Variants in EHD4 observed in about 807,000 individuals in gnomAD.
EHD4 encodes EH domain-containing protein 4.
EHD4 carries 37 observed loss-of-function variants against 51.0 expected under a neutral mutation model. The observed-to-expected ratio is 0.73, with a 90% CI of 0.56 to 0.95. The LOEUF is 0.95. Ranked by LOEUF, EHD4 falls within the 40% of genes least tolerant of loss-of-function variation. EHD4 has a pLI of 0.00. For missense variants in EHD4, 632 were observed against 733.1 expected, an observed-to-expected ratio of 0.86 and a Z score of 1.59; for synonymous variants, 297 against 317.3, an observed-to-expected ratio of 0.94 and a Z score of 0.68.
intron 3 of EHD4, among the ~76,000 whole-genome samples, chr15:41,923,807 G>A (rs1286316619): frequency 2.6e-5 from 4 of 152,194 alleles, no homozygotes; most frequent in Non-Finnish European, 4.4e-5. Flanking sequence ...ATCACAGGTC[G>A]AGGAAACAGA....
intron 3 of EHD4, among the ~76,000 whole-genome samples, chr15:41,922,682 T>C (rs2067634825): frequency 6.6e-6 from 1 of 152,210 alleles, no homozygotes; most frequent in Admixed American, 6.5e-5. Context: ...ACAGTTAATT[T>C]AAGCATCTTT....
intron 3 of EHD4, among the ~76,000 whole-genome samples, chr15:41,923,829 C>T (rs1345850138): frequency 6.6e-6 from 1 of 152,218 alleles, no homozygotes; most frequent in Non-Finnish European, 1.5e-5. Context: ...CTGAAACATG[C>T]TTATCTGAAG....
At position 41,972,343 on chromosome 15, in the gene EHD4, G is replaced by A. The variant is rs2068003616; in HGVS notation, c.152C>T (p.Pro51Leu). 6.2e-7 allele frequency: 1 copy of A among 1,611,414 alleles called. No homozygotes were observed. Among genetic ancestry groups the A allele is most frequent in the South Asian group, 1.1e-5 (1 of 90,750 alleles). Residue 51 changes from proline to leucine, a missense_variant, in exon 1 of 6, where the codon CCT (proline) becomes CTT (leucine). Physicochemically the swap from Pro to Leu is moderately conservative, Grantham distance 98. Transcript: ENST00000220325. Reference sequence around the variant, plus strand: ...CTCGAAGTCGGCGTCCTCCAGCGCAGGCGAGTGGAACTCGTGGAAGCGGTA... The same window carrying A: ...CTCGAAGTCGGCGTCCTCCAGCGCAAGCGAGTGGAACTCGTGGAAGCGGTA... ...EAYRFHEFHS[P>L]ALEDADFENK...
chr15:41,911,831 A>T (rs2067551609), intron 4 of EHD4, among the ~76,000 whole-genome samples: 1 of 151,990 alleles, frequency 6.6e-6, no homozygotes, highest in African/African-American at 2.4e-5. Flanking sequence ...AGGGCTTCCC[A>T]AGAGCCCTCA....
intron 2 of EHD4, among the ~76,000 whole-genome samples, chr15:41,947,095 G>A (rs1473560173): frequency 6.6e-6 from 1 of 152,162 alleles, no homozygotes; most frequent in Non-Finnish European, 1.5e-5. Context: ...ATGCTGAGAA[G>A]TGATGGAGCT....
intron 3 of EHD4, among the ~76,000 whole-genome samples, chr15:41,925,045 G>A (rs1303738166): frequency 7.6e-6 from 1 of 131,506 alleles, no homozygotes; most frequent in African/African-American, 2.8e-5. Context: ...GGGTGACAGC[G>A]AGGGACTGTA....
At chr15:41,963,327 G>A (rs571502874) in intron 1 of EHD4, among the ~76,000 whole-genome samples, 38 of 150,610 alleles carry the variant, frequency 2.5e-4, no homozygotes, top group African/African-American at 9.0e-4. Flanking sequence ...GGCAGGGCAC[G>A]GTGGCTCACG....
chr15:41,934,730 A>C (rs1159399469), intron 3 of EHD4, among the ~76,000 whole-genome samples: 1 of 152,180 alleles, frequency 6.6e-6, no homozygotes, highest in Non-Finnish European at 1.5e-5. Context: ...AGGGGGCAGC[A>C]GGGAAAGGCT....
At chr15:41,969,110 T>C (rs778793573) in intron 1 of EHD4, among the ~76,000 whole-genome samples, 3 of 152,262 alleles carry the variant, frequency 2.0e-5, no homozygotes, top group Non-Finnish European at 4.4e-5. Context: ...GTTTATTTCT[T>C]TTCTTGCCTT....
chr15:41,940,128 T>C (rs1295154856), intron 3 of EHD4, among the ~76,000 whole-genome samples: 1 of 152,192 alleles, frequency 6.6e-6, no homozygotes, highest in African/African-American at 2.4e-5. Context: ...CACTCAGCTT[T>C]TGAGGGTTAA....
chr15:41,900,650 C>T lies in EHD4; in HGVS notation c.1621G>A (p.Asp541Asn), dbSNP rs370652136. Residue 541 changes from aspartate (D) to asparagine (N), a missense_variant, in exon 6 of 6, where the codon GAC becomes AAC. Physicochemically the swap from Asp to Asn is conservative, Grantham distance 23. Transcript: ENST00000220325. The surrounding 1 kb of genome is among the most constrained non-coding windows in gnomAD (Gnocchi z 4.8). ...PSHRKSLPKA[D>N] ...CCCGTTCTGCAGCCCACCCCTCAGT[C>T]GGCCTTGGGCAGGGACTTCCTGTGC... The T allele has an allele frequency of 1.1e-5, 17 of 1,587,202 alleles. No homozygotes were observed. The highest frequency in any genetic ancestry group is 1.7e-4 in the Middle Eastern group (1 of 6,036).
intron 2 of EHD4, among the ~76,000 whole-genome samples, chr15:41,953,015 A>C (rs1045561124): frequency 3.3e-5 from 5 of 151,542 alleles, no homozygotes; most frequent in Admixed American, 6.6e-5. Context: ...AAAAAAAAAA[A>C]AAAAAACGAC....
rs3035677 is a variant in EHD4 at position 41,949,016 on chromosome 15, C to CTATATATATATA, written c.413+4736_413+4747dup. Among the ~76,000 whole-genome samples, 378 of 92,416 alleles carry CTATATATATATA rather than the reference C, an allele frequency of 4.1e-3. 2 individuals carry two copies. The highest frequency in any genetic ancestry group is 6.9e-3 in the East Asian group (20 of 2,890). The allele number at this position is 92,416 out of a possible 152,430, so 60.6% of individuals were successfully genotyped here. On this transcript the variant is annotated intron_variant, in intron 2 of 5. Coordinates refer to ENST00000220325, the MANE Select transcript of EHD4 (RefSeq NM_139265.4). The stretch of plus-strand genomic sequence containing the variant: ...CTCCAGCCTGGGCAACAGAGTGAGA[C>CTATATATATATA]TATATATATATATATATATATATAT...
Position 41,909,708 on chromosome 15 carries a change from C to G in EHD4, c.1080G>C (p.Lys360Asn). The G allele has an allele frequency of 6.2e-7, 1 of 1,614,218 alleles. No homozygotes were observed. Among genetic ancestry groups the G allele is most frequent in the Non-Finnish European group, 8.5e-7 (1 of 1,180,036 alleles). Residue 360 changes from lysine to asparagine, a missense_variant, in exon 5 of 6, where the codon AAG (lysine) becomes AAC (asparagine). Physicochemically the swap from Lys to Asn is moderately conservative, Grantham distance 94 (BLOSUM62 0). Transcript: ENST00000220325. The part of the protein sequence containing the change: ...QISAGDFPEV[K>N]AMQEQLENYD... ...AGTGGGCTCCCAGTACCTGCATAGCCTTGACCTCAGGGAAGTCCCCTGCAG... is the reference window on the plus strand; with the variant it reads ...AGTGGGCTCCCAGTACCTGCATAGCGTTGACCTCAGGGAAGTCCCCTGCAG...
intron 3 of EHD4, among the ~76,000 whole-genome samples, chr15:41,924,550 A>G (rs1566820011): frequency 6.6e-6 from 1 of 152,310 alleles, no homozygotes; most frequent in South Asian, 2.1e-4. Context: ...GGTTATTTAA[A>G]AAATCTTTGT....
intron 3 of EHD4, chr15:41,929,010 CG>C (rs2067681598): frequency 6.6e-6 from 1 of 152,232 alleles, no homozygotes; most frequent in African/African-American, 2.4e-5. Flanking sequence ...GAGTTCACCT[CG>C]AACCTTTCAG....
At chr15:41,948,988 G>C (rs189133585) in intron 2 of EHD4, among the ~76,000 whole-genome samples, 1 of 146,780 alleles carries the variant, frequency 6.8e-6, no homozygotes, top group African/African-American at 2.5e-5. Flanking sequence ...TCGTGCCTCC[G>C]CGCTCCAGCC....
intron 4 of EHD4, among the ~76,000 whole-genome samples, chr15:41,914,267 C>T (rs112824870): frequency 0.049 from 7,480 of 152,284 alleles, 274 homozygotes; most frequent in Non-Finnish European, 0.064. Flanking sequence ...GCAAACTTAA[C>T]GCAACCTGCT....
chr15:41,932,763 G>GCTAT lies in EHD4; in HGVS notation c.511+10303_511+10304insATAG, dbSNP rs2067707158. Among the ~76,000 whole-genome samples, 5 of 152,110 alleles carry GCTAT rather than the reference G, an allele frequency of 3.3e-5. No homozygotes were observed. In the South Asian group the frequency reaches 1.0e-3, roughly 32 times the overall value. The stretch of plus-strand genomic sequence containing the variant: ...CTCTCGTGGCTTTCCATAGCTCTAC[G>GCTAT]GTCAGGCCCAAATACTTCACGCACC... On this transcript the variant is annotated intron_variant, in intron 3 of 5. Coordinates refer to ENST00000220325, the MANE Select transcript of EHD4 (RefSeq NM_139265.4).
Sources: allele counts gnomAD v4.1 joint callset (sites outside exome capture counted in the v4.1 genomes callset), GRCh38; gene constraint gnomAD v4.1.1; non-coding constraint Gnocchi (gnomAD v3.1); transcripts MANE v1.5; gene names NCBI Gene and HGNC (gene_info 2026-07-23, HGNC 2026-07-21).